KIF26B: variants seen among roughly 807,000 people sequenced by gnomAD.
KIF26B encodes the protein kinesin family member 26B.
In KIF26B, 63 loss-of-function variants were observed where a neutral mutation model predicts 151.2. That is an observed-to-expected ratio of 0.42 (90% confidence interval 0.34 to 0.51). The LOEUF is 0.51. Ranked by LOEUF, KIF26B falls within the 20% of genes least tolerant of loss-of-function variation. The probability of loss-of-function intolerance (pLI) is 0.07; values close to 1 mark genes in which losing one functional copy is unlikely to be tolerated. For missense variants in KIF26B, 2,813 were observed against 2,913.6 expected (o/e 0.97, Z 0.79); for synonymous variants, 1,357 against 1,262.1 (o/e 1.08, Z -1.59).
At chr1:245,567,902 G>C (rs1175146558) in intron 5 of KIF26B, among the ~76,000 whole-genome samples, 1 of 151,958 alleles carries the variant, frequency 6.6e-6, no homozygotes, top group African/African-American at 2.4e-5. Context: ...TTCTTAAAGG[G>C]GCCGGGCACG....
At chr1:245,283,964 G>A (rs968177174) in intron 2 of KIF26B, among the ~76,000 whole-genome samples, 1 of 152,174 alleles carries the variant, frequency 6.6e-6, no homozygotes, top group African/African-American at 2.4e-5. Flanking sequence ...GGGATTACAG[G>A]CGTGAGCCGC....
chr1:245,297,266 T>C (rs1428468772), intron 2 of KIF26B, among the ~76,000 whole-genome samples: 1 of 152,022 alleles, frequency 6.6e-6, no homozygotes, highest in Non-Finnish European at 1.5e-5. Flanking sequence ...TCGCTCAAAC[T>C]CAGGAGGTAG....
In KIF26B at chr1:245,285,610, G is replaced by A. The variant is rs551614860; in HGVS notation, c.466-81224G>A. Among the ~76,000 whole-genome samples, 20 of 148,288 alleles carry A rather than the reference G, an allele frequency of 1.3e-4. 1 individual carries two copies. Among genetic ancestry groups the A allele is most frequent in the Admixed American group, 1.3e-3 (19 of 14,714 alleles). On this transcript the variant is annotated intron_variant, in intron 2 of 14. Coordinates refer to ENST00000407071, the MANE Select transcript of KIF26B (RefSeq NM_018012.4). ...TCTACTCCTGAAGTCTCTCAGGTGG[G>A]ATATTCCAGATGAGATATTTCCTAA...
chr1:245,637,861 A>G (rs895685187), intron 9 of KIF26B, among the ~76,000 whole-genome samples: 4 of 151,908 alleles, frequency 2.6e-5, no homozygotes, highest in Non-Finnish European at 5.9e-5. Flanking sequence ...TTGGTCTTCT[A>G]TGTGTCTGTT....
chr1:245,588,174 G>A (rs2043247031), intron 5 of KIF26B, among the ~76,000 whole-genome samples: 1 of 152,176 alleles, frequency 6.6e-6, no homozygotes, highest in Non-Finnish European at 1.5e-5. Context: ...TAATGCTTAT[G>A]ATATGCACAC....
chr1:245,486,188 T>G (rs1396237585), intron 4 of KIF26B, among the ~76,000 whole-genome samples: 2 of 152,258 alleles, frequency 1.3e-5, no homozygotes, highest in Non-Finnish European at 1.5e-5. Flanking sequence ...TTCGTAATAG[T>G]TCCCTTTTGT....
Position 245,602,204 on chromosome 1 carries a change from C to T in KIF26B, c.1351-373C>T, listed in dbSNP as rs144195524. On this transcript the variant is annotated intron_variant, in intron 5 of 14. Coordinates refer to ENST00000407071, the MANE Select transcript of KIF26B (RefSeq NM_018012.4). The surrounding 1 kb of genome is among the most constrained non-coding windows in gnomAD (Gnocchi z 4.5). Reference sequence around the variant, plus strand: ...ACTTTTATGTGCATGGTTTATTGATCTGTGAGCTTCAAGGAAACTGCACCA... The same window carrying T: ...ACTTTTATGTGCATGGTTTATTGATTTGTGAGCTTCAAGGAAACTGCACCA... Among the ~76,000 whole-genome samples, 669 of 152,252 alleles carry T rather than the reference C, an allele frequency of 4.4e-3. 6 individuals are homozygous for T. Among genetic ancestry groups the T allele is most frequent in the African/African-American group, 0.016 (648 of 41,536 alleles).
chr1:245,662,864 C>T (rs192527154), intron 10 of KIF26B, among the ~76,000 whole-genome samples: 1 of 144,568 alleles, frequency 6.9e-6, no homozygotes, highest in East Asian at 2.1e-4. Flanking sequence ...ATTATTCCAA[C>T]TCTCCTTTCT....
At chr1:245,325,306 T>C (rs190460520) in intron 2 of KIF26B, among the ~76,000 whole-genome samples, 2 of 152,326 alleles carry the variant, frequency 1.3e-5, no homozygotes, top group African/African-American at 4.8e-5. Context: ...ACCTGCTATG[T>C]GTGGCATTTG....
chr1:245,254,411 G>A (rs75098568), intron 2 of KIF26B, among the ~76,000 whole-genome samples: 1,970 of 152,084 alleles, frequency 0.013, 36 homozygotes, highest in African/African-American at 0.035. Context: ...GGGTAAAGGC[G>A]ATTCTATGAA....
At chr1:245,613,584 C>T in intron 9 of KIF26B, among the ~76,000 whole-genome samples, 1 of 152,108 alleles carries the variant, frequency 6.6e-6, no homozygotes, top group East Asian at 1.9e-4. Flanking sequence ...GGTGACAGAG[C>T]AAGGCTCTGT....
At chr1:245,555,757 T>C (rs955738755) in intron 5 of KIF26B, among the ~76,000 whole-genome samples, 14 of 152,190 alleles carry the variant, frequency 9.2e-5, no homozygotes, top group Non-Finnish European at 2.1e-4. Context: ...ACATGACTCC[T>C]GTCAAACCCA....
At chr1:245,552,803 T>G (rs534117960) in intron 5 of KIF26B, among the ~76,000 whole-genome samples, 1 of 152,288 alleles carries the variant, frequency 6.6e-6, no homozygotes, top group African/African-American at 2.4e-5. Context: ...TTTTACCACG[T>G]TGGCCAGGCT....
intron 5 of KIF26B, among the ~76,000 whole-genome samples, chr1:245,556,105 C>T (rs970790016): frequency 1.3e-5 from 2 of 152,198 alleles, no homozygotes; most frequent in Admixed American, 6.5e-5. Context: ...GACAGTCTTA[C>T]GTCTGCCTGG....
intron 2 of KIF26B, among the ~76,000 whole-genome samples, chr1:245,213,275 C>A (rs1669579673): frequency 6.6e-6 from 1 of 152,172 alleles, no homozygotes. Flanking sequence ...GCCACATGAC[C>A]ACTTCAGGCC....
intron 4 of KIF26B, among the ~76,000 whole-genome samples, chr1:245,437,171 G>A (rs143488358): frequency 2.0e-3 from 308 of 152,324 alleles, no homozygotes; most frequent in African/African-American, 7.1e-3. Context: ...ACAGGCATGA[G>A]CCACCGCACC....
At chr1:245,468,037 C>T (rs1285275663) in intron 4 of KIF26B, among the ~76,000 whole-genome samples, 3 of 148,930 alleles carry the variant, frequency 2.0e-5, no homozygotes, top group African/African-American at 7.4e-5. Flanking sequence ...GATCTATGGC[C>T]TCCTATTCCT....
rs139306205 is a variant in KIF26B at position 245,561,490 on chromosome 1, T to A, written c.1350+20540T>A. Reference sequence around the variant, plus strand: ...ACCACTTCTTACCTGTAATTCTGACTCAGCATTGATATTTGAAAATTCTTC... The same window carrying A: ...ACCACTTCTTACCTGTAATTCTGACACAGCATTGATATTTGAAAATTCTTC... On this transcript the variant is annotated intron_variant, in intron 5 of 14. Transcript: ENST00000407071. 7.7e-3 allele frequency among the ~76,000 whole-genome samples: 1,171 copies of A among 152,354 alleles called. 10 individuals carry two copies. Among genetic ancestry groups the A allele is most frequent in the African/African-American group, 0.027 (1,118 of 41,586 alleles).
intron 5 of KIF26B, among the ~76,000 whole-genome samples, chr1:245,547,584 T>TG (rs1661773975): frequency 7.0e-4 from 7 of 10,038 alleles, no homozygotes; most frequent in Non-Finnish European, 1.0e-3. Flanking sequence ...AGACTCCATC[T>TG]CAAAAAAAAA....
Sources: gnomAD v4.1 joint callset for allele counts (sites outside exome capture counted in the v4.1 genomes callset) on GRCh38, gnomAD v4.1.1 for gene constraint, Gnocchi (gnomAD v3.1) non-coding constraint, MANE v1.5 for transcripts, NCBI Gene and HGNC (gene_info 2026-07-23, HGNC 2026-07-21) for gene names.